Variants in UNC79 observed in about 807,000 individuals in gnomAD.
UNC79 encodes the protein unc-79 subunit of NALCN channel complex, also known as protein unc-79 homolog.
In UNC79, 37 loss-of-function variants were observed where a neutral mutation model predicts 283.1. The observed-to-expected ratio is 0.13, with a 90% CI of 0.10 to 0.17. The LOEUF (loss-of-function observed/expected upper bound fraction) is 0.17, where lower values mean the gene tolerates loss of function less well. Ranked by LOEUF, UNC79 falls within the 10% of genes least tolerant of loss-of-function variation. The pLI is 1.00. For missense variants in UNC79, 2,272 were observed against 3,211.1 expected (o/e 0.71, Z 7.07); for synonymous variants, 1,107 against 1,200.2 (o/e 0.92, Z 1.61).
intron 41 of UNC79, 110 bp downstream of exon 44, chr14:93,673,565 G>C: frequency 2.5e-6 from 2 of 807,448 alleles, no homozygotes; most frequent in Non-Finnish European, 3.8e-6. Context: ...GCTTAGAGAT[G>C]ATAAATAATA....
intron 1 of UNC79, among the ~76,000 whole-genome samples, chr14:93,378,891 G>T (rs796933448): frequency 1.2e-4 from 19 of 152,300 alleles, no homozygotes; most frequent in African/African-American, 4.6e-4. Flanking sequence ...TAGATACATG[G>T]TAGCACTATA....
chr14:93,351,353 T>C (rs2139913699), intron 1 of UNC79, among the ~76,000 whole-genome samples: 1 of 152,302 alleles, frequency 6.6e-6, no homozygotes, highest in Admixed American at 6.5e-5. Context: ...AATGAACACA[T>C]TTTTTGTTTT....
At chr14:93,705,665 G>A (rs962326912) in intron 48 of UNC79, among the ~76,000 whole-genome samples, 12 of 152,228 alleles carry the variant, frequency 7.9e-5, no homozygotes, top group African/African-American at 2.7e-4. Context: ...CATTGTAGGG[G>A]CAAACATACT....
intron 1 of UNC79, among the ~76,000 whole-genome samples, chr14:93,386,287 A>G (rs565974270): frequency 6.6e-6 from 1 of 152,298 alleles, no homozygotes; most frequent in South Asian, 2.1e-4. Context: ...TGATTTGCAT[A>G]TGCTGAACCA....
At chr14:93,477,841 A>T (rs1249714557) in intron 4 of UNC79, 113 bp downstream of exon 4, 1 of 969,818 alleles carries the variant, frequency 1.0e-6, no homozygotes, top group Non-Finnish European at 1.5e-6. Context: ...CACTTGATAT[A>T]TACAGGAGCT....
At chr14:93,463,474 C>T (rs76691103) in intron 1 of UNC79, among the ~76,000 whole-genome samples, 3,175 of 152,048 alleles carry the variant, frequency 0.021, 125 homozygotes, top group African/African-American at 0.073. Context: ...TCTTTCCCTT[C>T]GACAAGAGAG....
At position 93,578,083 on chromosome 14, in the gene UNC79, C is replaced by T; in HGVS notation, c.2433+20C>T. 1 of 1,609,912 alleles carries T rather than the reference C, an allele frequency of 6.2e-7. No homozygotes were observed. Among genetic ancestry groups the T allele is most frequent in the Non-Finnish European group, 8.5e-7 (1 of 1,176,850 alleles). Reference sequence around the variant, plus strand: ...AAGCAGGTAGCTGAAGCATGAGCTTCCTTTAGTTCAGAGGTGAAGAATGAG... The same window carrying T: ...AAGCAGGTAGCTGAAGCATGAGCTTTCTTTAGTTCAGAGGTGAAGAATGAG... On this transcript the variant is annotated intron_variant, in intron 18 of 48. Coordinates refer to ENST00000555664, the Ensembl canonical transcript of UNC79.
chr14:93,430,445 C>T lies in UNC79; in HGVS notation c.-585C>T, dbSNP rs564661360. On this transcript the variant is annotated 5_prime_UTR_variant, in exon 1 of 49. Transcript: ENST00000555664. The surrounding 1 kb of genome is among the most constrained non-coding windows in gnomAD (Gnocchi z 4.6). ...CCGGCCCCGGCGCTCCAGCCCGCCC[C>T]GGATCCGCCTCCCTCTCCTTCCTCC... 1.7e-3 allele frequency: 257 copies of T among 152,926 alleles called. 2 individuals carry two copies. The highest frequency in any genetic ancestry group is 1.7e-3 in the Non-Finnish European group (115 of 68,524). 9.5% of individuals were successfully genotyped at this position (152,926 alleles called of 1,614,324 possible).
At chr14:93,397,706 A>G (rs182018277) in intron 1 of UNC79, among the ~76,000 whole-genome samples, 5 of 152,144 alleles carry the variant, frequency 3.3e-5, no homozygotes, top group Admixed American at 2.6e-4. Flanking sequence ...ATCCTTGATC[A>G]TAGCTGAGAG....
intron 39 of UNC79, among the ~76,000 whole-genome samples, chr14:93,660,270 G>A (rs61981636): frequency 0.038 from 5,836 of 151,996 alleles, 157 homozygotes; most frequent in Middle Eastern, 0.071. Flanking sequence ...ATTTACAGAC[G>A]AGGAAACAGG....
intron 24 of UNC79, among the ~76,000 whole-genome samples, chr14:93,598,986 C>T (rs1267329039): frequency 1.3e-5 from 2 of 152,162 alleles, no homozygotes; most frequent in African/African-American, 4.8e-5. Context: ...CACCAAGTCT[C>T]AGAGAGATAA....
chr14:93,651,119 T>C (rs2070202548), intron 35 of UNC79, among the ~76,000 whole-genome samples: 1 of 152,220 alleles, frequency 6.6e-6, no homozygotes, highest in African/African-American at 2.4e-5. Context: ...GGGCTCTCTA[T>C]TCTGTTCCAT....
At chr14:93,473,392 C>T (rs78067422) in intron 2 of UNC79, among the ~76,000 whole-genome samples, 2,634 of 152,244 alleles carry the variant, frequency 0.017, 57 homozygotes, top group Non-Finnish European at 0.025. Flanking sequence ...GGACCATCAA[C>T]TATATATTAT....
chr14:93,415,817 T>C (rs1223873566), intron 1 of UNC79, among the ~76,000 whole-genome samples: 1 of 151,012 alleles, frequency 6.6e-6, no homozygotes, highest in Non-Finnish European at 1.5e-5. Context: ...TAGAGGTGTT[T>C]GTAGTATTCT....
chr14:93,656,551 G>A (rs76372311), intron 38 of UNC79, among the ~76,000 whole-genome samples: 1,650 of 152,292 alleles, frequency 0.011, 14 homozygotes, highest in Middle Eastern at 0.034. Context: ...CTACTTGGGA[G>A]GCTGAGGTGT....
At chr14:93,612,976 C>T in exon 27 of UNC79, 1 of 1,614,178 alleles carries the variant, frequency 6.2e-7, no homozygotes, top group South Asian at 1.1e-5. Flanking sequence ...CAAGCGACAC[C>T]TGTACGTCTT....
At position 93,613,097 on chromosome 14, in the gene UNC79, C is replaced by G; in HGVS notation, c.4041+14C>G. On this transcript the variant is annotated intron_variant, in intron 27 of 48. Coordinates refer to ENST00000555664, the Ensembl canonical transcript of UNC79. ...GGAATTGCCCAAGTAAGTGTAATAA[C>G]AGCTTTCAGAAGTCACACCTTTATA... The G allele has an allele frequency of 6.2e-7, 1 of 1,613,404 alleles. No homozygotes were observed. The highest frequency in any genetic ancestry group is 8.5e-7 in the Non-Finnish European group (1 of 1,179,460).
At chr14:93,571,476 A>C (rs1231779995) in intron 14 of UNC79, among the ~76,000 whole-genome samples, 2 of 152,192 alleles carry the variant, frequency 1.3e-5, no homozygotes, top group African/African-American at 2.4e-5. Flanking sequence ...TCTGCAATAC[A>C]AAGCATGCAG....
At chr14:93,390,822 T>C (rs2054868138) in intron 1 of UNC79, among the ~76,000 whole-genome samples, 1 of 152,146 alleles carries the variant, frequency 6.6e-6, no homozygotes, top group Non-Finnish European at 1.5e-5. Context: ...AGGGAGAAAT[T>C]AGATTCATAG....
Sources: gnomAD v4.1 joint callset for allele counts (sites outside exome capture counted in the v4.1 genomes callset) on GRCh38, gnomAD v4.1.1 for gene constraint, Gnocchi (gnomAD v3.1) non-coding constraint, MANE v1.5 for transcripts, NCBI Gene and HGNC (gene_info 2026-07-23, HGNC 2026-07-21) for gene names.